The following COMMD8 variants were observed in gnomAD, a reference collection of about 807,000 sequenced individuals.
The protein encoded by COMMD8 is COMM domain-containing protein 8.
In COMMD8, 28 loss-of-function variants were observed where a neutral mutation model predicts 27.2. The observed-to-expected ratio is 1.03, with a 90% CI of 0.76 to 1.41. COMMD8 has a LOEUF of 1.41. COMMD8 is among the 40% of genes most tolerant of loss of function. The pLI is 0.00. For synonymous variants in COMMD8, 79 were observed against 75.5 expected, an observed-to-expected ratio of 1.05 and a Z score of -0.24; for missense variants, 217 against 211.2, an observed-to-expected ratio of 1.03 and a Z score of -0.17.
At chr4:47,460,542 GAAA>G (rs35696589) in intron 1 of COMMD8, among the ~76,000 whole-genome samples, 6,562 of 152,020 alleles carry the variant, frequency 0.043, 448 homozygotes, top group African/African-American at 0.15. Flanking sequence ...ATTACATAAT[GAAA>G]AAACTAAAAG....
At position 47,451,660 on chromosome 4, in the gene COMMD8, G is replaced by A. The variant is rs768023963; in HGVS notation, c.537C>T (p.Val179=). The A allele has an allele frequency of 3.2e-6, 5 of 1,578,942 alleles. No homozygotes were observed. In the Admixed American group the frequency reaches 7.7e-5, roughly 24 times the overall value. ...TCATTTCCAGTTATTTCAACTGCAG[G>A]ACCACCTTAAAACACAAATTGAAGA... ...IQSLEAANKV[V]LQLK The change falls in exon 5 of 5, where the codon GTC becomes GTT. Residue 179 remains valine (V), a synonymous_variant. Transcript: ENST00000381571.
chr4:47,456,785 T>A, intron 2 of COMMD8, 56 bp from the exon 3 acceptor site: 1 of 1,338,830 alleles, frequency 7.5e-7, no homozygotes, highest in Non-Finnish European at 1.0e-6. Context: ...AAAAACACAA[T>A]TCCACTCTCC....
chr4:47,455,722 T>C (rs1379583474), intron 3 of COMMD8, among the ~76,000 whole-genome samples: 1 of 152,216 alleles, frequency 6.6e-6, no homozygotes. Flanking sequence ...TCCAGGGTCA[T>C]GCTAACATCA....
At chr4:47,454,567 T>C (rs1423420421) in intron 3 of COMMD8, among the ~76,000 whole-genome samples, 2 of 152,182 alleles carry the variant, frequency 1.3e-5, no homozygotes, top group Non-Finnish European at 2.9e-5. Context: ...CATCTCTTGC[T>C]TGAAGAACTG....
At chr4:47,452,466 T>TA (rs1455373811) in intron 4 of COMMD8, among the ~76,000 whole-genome samples, 1 of 152,216 alleles carries the variant, frequency 6.6e-6, no homozygotes, top group Admixed American at 6.5e-5. Flanking sequence ...ATGTTATTTT[T>TA]ATCATTAACG....
At chr4:47,457,772 T>C (rs2109356233) in intron 2 of COMMD8, among the ~76,000 whole-genome samples, 1 of 150,202 alleles carries the variant, frequency 6.7e-6, no homozygotes, top group Non-Finnish European at 1.5e-5. Flanking sequence ...AGGAAAAAAA[T>C]CCTTCCCAAT....
chr4:47,455,384 T>C (rs1435205717), intron 3 of COMMD8, among the ~76,000 whole-genome samples: 1 of 152,130 alleles, frequency 6.6e-6, no homozygotes, highest in Non-Finnish European at 1.5e-5. Context: ...AATTTAAATA[T>C]TTAAATTAAA....
intron 4 of COMMD8, 59 bp downstream of exon 4, chr4:47,453,000 C>CAA (rs924120785): frequency 3.5e-6 from 5 of 1,445,098 alleles, no homozygotes; most frequent in African/African-American, 2.9e-5. Flanking sequence ...CCAACGCAAA[C>CAA]AAAAAAAAAC....
intron 2 of COMMD8, among the ~76,000 whole-genome samples, chr4:47,458,271 C>T (rs759740032): frequency 2.4e-4 from 36 of 151,612 alleles, no homozygotes; most frequent in Admixed American, 9.2e-4. Flanking sequence ...TTAGCCAATG[C>T]GCTAAGGTAA....
chr4:47,455,750 A>G (rs1250978313), intron 3 of COMMD8, among the ~76,000 whole-genome samples: 1 of 152,208 alleles, frequency 6.6e-6, no homozygotes, highest in Non-Finnish European at 1.5e-5. Context: ...CAATGTATTT[A>G]TTTCCTCTTC....
At chr4:47,455,419 T>TA (rs1424674977) in intron 3 of COMMD8, among the ~76,000 whole-genome samples, 3 of 150,378 alleles carry the variant, frequency 2.0e-5, no homozygotes, top group African/African-American at 7.3e-5. Flanking sequence ...GTTGCCTGAT[T>TA]AATTTATTTT....
chr4:47,459,018 A>G (rs1729956039), intron 2 of COMMD8, among the ~76,000 whole-genome samples: 1 of 152,110 alleles, frequency 6.6e-6, no homozygotes, highest in African/African-American at 2.4e-5. Context: ...AAAATGCATC[A>G]GTAACATAAT....
intron 1 of COMMD8, among the ~76,000 whole-genome samples, chr4:47,461,427 T>C (rs780131159): frequency 5.9e-5 from 9 of 152,244 alleles, no homozygotes; most frequent in Non-Finnish European, 1.0e-4. Flanking sequence ...TAATATACTA[T>C]ACAAACTGAA....
intron 1 of COMMD8, 133 bp downstream of exon 1, chr4:47,463,453 C>G: frequency 1.2e-6 from 1 of 847,608 alleles, no homozygotes. Context: ...ACCAACCACC[C>G]GAAATCACGC....
intron 3 of COMMD8, among the ~76,000 whole-genome samples, chr4:47,455,607 T>G (rs775957579): frequency 2.0e-5 from 3 of 152,200 alleles, no homozygotes; most frequent in Non-Finnish European, 4.4e-5. Flanking sequence ...TTAACTAATA[T>G]AAATTCATCT....
Position 47,450,985 on chromosome 4 carries a change from A to G in COMMD8, c.*660T>C, listed in dbSNP as rs1729737293. 6.6e-6 allele frequency: 1 copy of G among 152,366 alleles called. No homozygotes were observed. The highest frequency in any genetic ancestry group is 1.5e-5 in the Non-Finnish European group (1 of 68,130). The allele number at this position is 152,366 out of a possible 1,614,324, so 9.4% of individuals were successfully genotyped here. Reference sequence around the variant, plus strand: ...TTTATCAGAGCAATGTTTCCCAAACATAGAAGCGCAGAAGTAAAATGTTAT... The same window carrying G: ...TTTATCAGAGCAATGTTTCCCAAACGTAGAAGCGCAGAAGTAAAATGTTAT... On this transcript the variant is annotated 3_prime_UTR_variant, in exon 5 of 5. Transcript: ENST00000381571.
intron 3 of COMMD8, 120 bp from the exon 4 acceptor site, chr4:47,453,334 A>G: frequency 1.4e-6 from 1 of 701,924 alleles, no homozygotes; most frequent in Non-Finnish European, 2.3e-6. Flanking sequence ...AGTATAGAGA[A>G]AGGTGAAAGA....
At chr4:47,462,584 G>C in intron 1 of COMMD8, among the ~76,000 whole-genome samples, 1 of 152,068 alleles carries the variant, frequency 6.6e-6, no homozygotes, top group East Asian at 1.9e-4. Flanking sequence ...TTTTTGGCTG[G>C]ACCTAAAGAT....
chr4:47,456,682 G>C lies in COMMD8; in HGVS notation c.270C>G (p.Ile90Met), dbSNP rs1299037756. ...NQLNSLHQETIMKCVKSRKDE... is the reference protein window; with the variant it reads ...NQLNSLHQETMMKCVKSRKDE... Reference sequence around the variant, plus strand: ...CTTTCCTACTTTTCACGCATTTCATGATAGTTTCTTGATGAAGTGAATTCA... The same window carrying C: ...CTTTCCTACTTTTCACGCATTTCATCATAGTTTCTTGATGAAGTGAATTCA... Residue 90 changes from isoleucine to methionine, a missense_variant, in exon 3 of 5, where the codon ATC becomes ATG. Physicochemically the swap from Ile to Met is conservative, Grantham distance 10 (BLOSUM62 1). Coordinates refer to ENST00000381571, the MANE Select transcript of COMMD8 (RefSeq NM_017845.5). 6.2e-7 allele frequency: 1 copy of C among 1,607,522 alleles called. No individual in the cohort carries two copies. The highest frequency in any genetic ancestry group is 1.3e-5 in the African/African-American group (1 of 74,598).
Sources: allele counts gnomAD v4.1 joint callset (sites outside exome capture counted in the v4.1 genomes callset), GRCh38; gene constraint gnomAD v4.1.1; transcripts MANE v1.5; gene names NCBI Gene and HGNC (gene_info 2026-07-23, HGNC 2026-07-21).